OGDH: variants seen among roughly 807,000 people sequenced by gnomAD.
OGDH encodes the protein 2-oxoglutarate dehydrogenase complex component E1.
A neutral mutation model predicts 116.6 loss-of-function variants in OGDH; 38 were observed. The ratio of observed to expected loss-of-function variants is 0.33; its 90% CI spans 0.25 to 0.43. OGDH has a LOEUF of 0.43. Among genes scored for constraint, OGDH ranks in the 20% least tolerant of loss-of-function variants. The pLI is 1.00. For synonymous variants in OGDH, 488 were observed against 533.3 expected, an observed-to-expected ratio of 0.92 and a Z score of 1.17; for missense variants, 825 against 1,357.2, an observed-to-expected ratio of 0.61 and a Z score of 6.16.
chr7:44,642,731 G>T (rs937428018), intron 2 of OGDH, among the ~76,000 whole-genome samples: 2 of 152,086 alleles, frequency 1.3e-5, no homozygotes, highest in Non-Finnish European at 2.9e-5. Context: ...AGACCAGCCT[G>T]GCCAACACAG....
rs774204078 is a variant in OGDH at position 44,674,499 on chromosome 7, A to G, written c.877A>G (p.Ile293Val). The G allele has an allele frequency of 5.0e-6, 8 of 1,614,080 alleles. No individual in the cohort carries two copies. The highest frequency in any genetic ancestry group is 3.4e-6 in the Non-Finnish European group (4 of 1,180,038). Residue 293 changes from isoleucine (I) to valine (V), a missense_variant, in exon 7 of 23, where the codon ATC becomes GTC. By Grantham distance (29) the Ile-to-Val change is conservative. Transcript: ENST00000222673. ...CEVLIPALKT[I>V]IDKSSENGVD... ...GGTACTGATCCCTGCCCTCAAGACC[A>G]TCATTGACAAGTCTAGTGAGAATGG...
intron 4 of OGDH, among the ~76,000 whole-genome samples, chr7:44,659,312 C>T (rs1423723283): frequency 6.6e-6 from 1 of 152,084 alleles, no homozygotes; most frequent in Admixed American, 6.5e-5. Flanking sequence ...GTATCTGTCT[C>T]TTTATATATT....
At chr7:44,682,517 G>A (rs1407301075) in intron 10 of OGDH, among the ~76,000 whole-genome samples, 1 of 151,948 alleles carries the variant, frequency 6.6e-6, no homozygotes, top group South Asian at 2.1e-4. Context: ...GGCCAACATG[G>A]AGAAACCTCA....
intron 20 of OGDH, among the ~76,000 whole-genome samples, chr7:44,704,855 C>T (rs567433462): frequency 2.0e-4 from 30 of 151,322 alleles, no homozygotes; most frequent in African/African-American, 6.8e-4. Flanking sequence ...GGATTACAGG[C>T]GCACGCCACC....
At chr7:44,698,399 T>C (rs1454288286) in intron 18 of OGDH, 136 bp downstream of exon 18, 1 of 866,384 alleles carries the variant, frequency 1.2e-6, no homozygotes, top group Non-Finnish European at 1.8e-6. Flanking sequence ...GGAGCTCACG[T>C]GAGTGGACAG....
rs79579664 is a variant in OGDH, at chr7:44,702,071, CA to C, written c.2632+472del. On this transcript the variant is annotated intron_variant, in intron 20 of 22. Coordinates refer to ENST00000222673, the MANE Select transcript of OGDH (RefSeq NM_002541.4). ...GGGCAATAAGAGCAAAACTCCGGCA[CA>C]AAAAAAAAAAAAAAAGTCCCATGAT... Among the ~76,000 whole-genome samples the C allele has an allele frequency of 8.8e-3, 506 of 57,438 alleles. 3 individuals carry two copies. The highest frequency in any genetic ancestry group is 0.022 in the African/African-American group (381 of 17,402). 37.7% of individuals were successfully genotyped at this position (57,438 alleles called of 152,430 possible).
intron 5 of OGDH, among the ~76,000 whole-genome samples, chr7:44,671,009 T>G (rs1585329998): frequency 1.5e-5 from 1 of 67,064 alleles, no homozygotes; most frequent in Admixed American, 1.9e-4. Context: ...AGACTCCATC[T>G]CAAAAAAAAA....
At chr7:44,649,078 T>C (rs1486496014) in intron 4 of OGDH, among the ~76,000 whole-genome samples, 1 of 151,838 alleles carries the variant, frequency 6.6e-6, no homozygotes, top group East Asian at 1.9e-4. Context: ...TCTAGACCTG[T>C]GGGATCCTCT....
At chr7:44,634,901 G>A (rs1220593397) in intron 2 of OGDH, among the ~76,000 whole-genome samples, 1 of 152,170 alleles carries the variant, frequency 6.6e-6, no homozygotes, top group Non-Finnish European at 1.5e-5. Context: ...TCTGGAGGTG[G>A]GCATTCCATC....
At chr7:44,643,916 C>T (rs1203582560) in intron 2 of OGDH, among the ~76,000 whole-genome samples, 3 of 151,634 alleles carry the variant, frequency 2.0e-5, no homozygotes, top group African/African-American at 7.3e-5. Flanking sequence ...TTTTTTTAAA[C>T]TGATGTTTTG....
intron 14 of OGDH, 34 bp from the exon 15 acceptor site, chr7:44,696,880 C>T (rs1788603676): frequency 6.4e-7 from 1 of 1,572,874 alleles, no homozygotes. Flanking sequence ...GCAGGCAGGG[C>T]CTGCAGCAGC....
chr7:44,665,880 T>G (rs116273847), intron 4 of OGDH, among the ~76,000 whole-genome samples: 1 of 152,214 alleles, frequency 6.6e-6, no homozygotes, highest in Admixed American at 6.5e-5. Flanking sequence ...TACAGCAAGA[T>G]GAAACAAGCA....
At position 44,623,381 on chromosome 7, in the gene OGDH, C is replaced by T. The variant is rs1443363210; in HGVS notation, c.-27-936C>T. On this transcript the variant is annotated intron_variant, in intron 1 of 22. Coordinates refer to ENST00000222673, the MANE Select transcript of OGDH (RefSeq NM_002541.4). ...CTGCAATCTTTTCTATGTTGTTTTT[C>T]CTCTGCTCAAGGGTAAATTGAGAGT... is the stretch of plus-strand genomic sequence containing the variant. 5.3e-5 allele frequency among the ~76,000 whole-genome samples: 8 copies of T among 150,236 alleles called. No individual in the cohort carries two copies. In the South Asian group the frequency reaches 8.5e-4, roughly 16 times the overall value.
intron 4 of OGDH, among the ~76,000 whole-genome samples, chr7:44,659,974 G>C (rs1199992976): frequency 6.6e-6 from 1 of 151,880 alleles, no homozygotes; most frequent in Non-Finnish European, 1.5e-5. Context: ...TTGGCTTTTG[G>C]CTTCTTTGTT....
At chr7:44,681,888 TCTTA>T in intron 10 of OGDH, 40 bp downstream of exon 10, 1 of 1,607,398 alleles carries the variant, frequency 6.2e-7, no homozygotes, top group Non-Finnish European at 8.5e-7. Context: ...CTCACATCAG[TCTTA>T]CTTAGAATGA....
chr7:44,634,395 A>G (rs1785576630), intron 2 of OGDH, among the ~76,000 whole-genome samples: 1 of 152,234 alleles, frequency 6.6e-6, no homozygotes, highest in Admixed American at 6.5e-5. Context: ...AGCTCTTTTC[A>G]TAATGACCTG....
intron 4 of OGDH, among the ~76,000 whole-genome samples, chr7:44,658,267 A>G (rs1051185200): frequency 1.3e-5 from 2 of 151,984 alleles, no homozygotes; most frequent in Non-Finnish European, 2.9e-5. Context: ...TGGATCACTG[A>G]TTTTTTTAAT....
At chr7:44,658,953 A>C (rs961627565) in intron 4 of OGDH, among the ~76,000 whole-genome samples, 1 of 152,064 alleles carries the variant, frequency 6.6e-6, no homozygotes, top group African/African-American at 2.4e-5. Context: ...CTCCCACCTC[A>C]GCCTCCCAAG....
At chr7:44,686,831 G>A (rs1788151253) in intron 10 of OGDH, among the ~76,000 whole-genome samples, 1 of 151,388 alleles carries the variant, frequency 6.6e-6, no homozygotes, top group Non-Finnish European at 1.5e-5. Context: ...GTGACTACAG[G>A]CGCCTGCCAC....
Sources: allele counts gnomAD v4.1 joint callset (sites outside exome capture counted in the v4.1 genomes callset), GRCh38; gene constraint gnomAD v4.1.1; transcripts MANE v1.5; gene names NCBI Gene and HGNC (gene_info 2026-07-23, HGNC 2026-07-21).